The following LRBA variants were observed in gnomAD, a reference collection of about 807,000 sequenced individuals.
LRBA encodes the protein lipopolysaccharide-responsive and beige-like anchor protein.
LRBA carries 176 observed loss-of-function variants against 330.0 expected under a neutral mutation model. That is an observed-to-expected ratio of 0.53 (90% CI 0.47 to 0.60). The LOEUF (loss-of-function observed/expected upper bound fraction) is 0.60, where lower values mean the gene tolerates loss of function less well. Among genes scored for constraint, LRBA ranks in the 20% least tolerant of loss-of-function variants. LRBA has a pLI of 0.00. For missense variants in LRBA, 3,259 were observed against 3,444.8 expected, an observed-to-expected ratio of 0.95 and a Z score of 1.35; for synonymous variants, 1,230 against 1,193.0, an observed-to-expected ratio of 1.03 and a Z score of -0.64.
intron 40 of LRBA, among the ~76,000 whole-genome samples, chr4:150,513,791 C>T (rs1386821771): frequency 2.0e-5 from 3 of 152,130 alleles, no homozygotes; most frequent in Non-Finnish European, 4.4e-5. Flanking sequence ...CTCTTCATTA[C>T]CTCCTAAAGA....
intron 42 of LRBA, among the ~76,000 whole-genome samples, chr4:150,473,766 A>G (rs775996004): frequency 2.0e-5 from 3 of 152,062 alleles, no homozygotes; most frequent in Non-Finnish European, 4.4e-5. Flanking sequence ...GTATTGTGGG[A>G]TTTCTCAGCC....
At chr4:150,477,484 C>G (rs1007745773) in intron 42 of LRBA, among the ~76,000 whole-genome samples, 1 of 152,060 alleles carries the variant, frequency 6.6e-6, no homozygotes, top group Non-Finnish European at 1.5e-5. Flanking sequence ...ATTAAACCAT[C>G]AGATCTCATG....
chr4:150,534,275 A>G (rs1022099290), intron 40 of LRBA, among the ~76,000 whole-genome samples: 1 of 150,318 alleles, frequency 6.7e-6, no homozygotes, highest in South Asian at 2.1e-4. Flanking sequence ...CACATTTAAG[A>G]CTTTTTAGTT....
chr4:150,453,518 A>G (rs1029677589), intron 44 of LRBA, among the ~76,000 whole-genome samples: 1 of 152,238 alleles, frequency 6.6e-6, no homozygotes, highest in Non-Finnish European at 1.5e-5. Flanking sequence ...TAGACAAAAA[A>G]TAAGTAGCAT....
At chr4:150,496,746 A>AT (rs1759636406) in intron 40 of LRBA, among the ~76,000 whole-genome samples, 1 of 152,066 alleles carries the variant, frequency 6.6e-6, no homozygotes, top group African/African-American at 2.4e-5. Context: ...ATTTCTGAAG[A>AT]TTTTGGTGTT....
chr4:150,496,825 C>A (rs960786001), intron 40 of LRBA, among the ~76,000 whole-genome samples: 1 of 151,840 alleles, frequency 6.6e-6, no homozygotes, highest in African/African-American at 2.4e-5. Flanking sequence ...ATCTCCAAAC[C>A]CTATCAATAC....
chr4:150,475,369 A>G (rs1756593963), intron 42 of LRBA, among the ~76,000 whole-genome samples: 1 of 152,136 alleles, frequency 6.6e-6, no homozygotes, highest in Non-Finnish European at 1.5e-5. Flanking sequence ...TTTCTAGTTT[A>G]AATATTTTAT....
rs1188653707 is a variant in LRBA, at chr4:150,757,066, AT to A, written c.5645+4716del. ...GAAATCTTTTATTATAAGTATATGT[AT>A]TTTTTTCTCTTTAAAGTCATCAAGG... On this transcript the variant is annotated intron_variant, in intron 35 of 56. Transcript: ENST00000651943. 3.3e-5 allele frequency among the ~76,000 whole-genome samples: 5 copies of A among 152,046 alleles called. No homozygotes were observed. The South Asian group carries it at 8.3e-4, about 25-fold the overall frequency.
At chr4:150,385,115 A>G (rs1271277451) in intron 47 of LRBA, among the ~76,000 whole-genome samples, 1 of 152,214 alleles carries the variant, frequency 6.6e-6, no homozygotes, top group Non-Finnish European at 1.5e-5. Flanking sequence ...CAAACTGTGT[A>G]TTCGAATCAT....
At chr4:150,922,405 T>TATAC (rs1250780800) in intron 4 of LRBA, among the ~76,000 whole-genome samples, 1 of 148,932 alleles carries the variant, frequency 6.7e-6, no homozygotes, top group Non-Finnish European at 1.5e-5. Context: ...TATATATATA[T>TATAC]ATATATATAT....
chr4:150,396,663 C>T (rs760073355), intron 47 of LRBA, among the ~76,000 whole-genome samples: 2 of 151,966 alleles, frequency 1.3e-5, no homozygotes, highest in Admixed American at 6.6e-5. Flanking sequence ...TAGTAGAATA[C>T]GAATGTATTG....
At chr4:150,595,327 T>A (rs1286950629) in intron 38 of LRBA, among the ~76,000 whole-genome samples, 1 of 151,966 alleles carries the variant, frequency 6.6e-6, no homozygotes, top group Admixed American at 6.6e-5. Flanking sequence ...GAGAACCTAG[T>A]ATATGTTGAT....
At position 150,893,094 on chromosome 4, in the gene LRBA, G is replaced by C. The variant is rs1267992019; in HGVS notation, c.2123C>G (p.Pro708Arg). Residue 708 changes from proline to arginine, a missense_variant, in exon 17 of 57, where the codon CCT becomes CGT. Physicochemically the swap from Pro to Arg is moderately radical, Grantham distance 103. Coordinates refer to ENST00000651943, the MANE Select transcript of LRBA (RefSeq NM_001364905.1). ...GTCAAAAGCAGGAATCATAGAGTTA[G>C]GGTGTTCTGACATTAATGCAACAAG... ...QLLVALMSEH[P>R]NSMIPAFDQR... 2.5e-6 allele frequency: 4 copies of C among 1,612,470 alleles called. No individual in the cohort carries two copies. Among genetic ancestry groups the C allele is most frequent in the African/African-American group, 2.7e-5 (2 of 74,898 alleles).
chr4:150,423,020 C>A lies in LRBA; in HGVS notation c.7042-7430G>T, dbSNP rs569689480. 141 of 785,102 alleles carry A rather than the reference C, an allele frequency of 1.8e-4. No individual in the cohort carries two copies. In the African/African-American group the frequency reaches 2.3e-3, roughly 13 times the overall value. The allele number at this position is 785,102 out of a possible 1,614,324, so 48.6% of individuals were successfully genotyped here. On this transcript the variant is annotated intron_variant, in intron 46 of 56. Coordinates refer to ENST00000651943, the MANE Select transcript of LRBA (RefSeq NM_001364905.1). ...GTGACAGGCTGAGCCTGGCCTAGAGCTTCCAAGGCTTGTCCTCAATGGAAC... is the reference window on the plus strand; with the variant it reads ...GTGACAGGCTGAGCCTGGCCTAGAGATTCCAAGGCTTGTCCTCAATGGAAC...
chr4:150,683,810 A>G, intron 36 of LRBA, 93 bp from the exon 37 acceptor site: 2 of 898,644 alleles, frequency 2.2e-6, no homozygotes, highest in South Asian at 3.9e-5. Flanking sequence ...CAAAACAACC[A>G]AAATTTTAAA....
Position 150,520,183 on chromosome 4 carries a change from G to A in LRBA, c.6331-29148C>T, listed in dbSNP as rs771125201. 2.0e-5 allele frequency among the ~76,000 whole-genome samples: 3 copies of A among 152,026 alleles called. No individual in the cohort carries two copies. The East Asian group carries it at 5.8e-4, about 29-fold the overall frequency. On this transcript the variant is annotated intron_variant, in intron 40 of 56. Transcript: ENST00000651943. The stretch of plus-strand genomic sequence containing the variant: ...AGATATAATTTTCTAGAAGTCTCTT[G>A]TTCTTCAATGGTAAATGGGTCTTGA...
chr4:150,882,086 C>CAA (rs773130822), intron 17 of LRBA, among the ~76,000 whole-genome samples: 2 of 135,540 alleles, frequency 1.5e-5, no homozygotes, highest in African/African-American at 2.7e-5. Context: ...AACTCTGTCT[C>CAA]AAAAAAAAAA....
intron 28 of LRBA, among the ~76,000 whole-genome samples, chr4:150,838,286 G>T (rs537296232): frequency 8.5e-5 from 13 of 152,096 alleles, no homozygotes; most frequent in African/African-American, 3.1e-4. Context: ...TGCTCTTCTC[G>T]AGGAGTATGT....
At chr4:150,867,520 G>A (rs746621598) in intron 22 of LRBA, 151 bp downstream of exon 22, 7 of 581,002 alleles carry the variant, frequency 1.2e-5, no homozygotes, top group Non-Finnish European at 1.7e-5. Flanking sequence ...TATTTCTATT[G>A]ATAATCTTTT....
Sources: gnomAD v4.1 joint callset for allele counts (sites outside exome capture counted in the v4.1 genomes callset) on GRCh38, gnomAD v4.1.1 for gene constraint, MANE v1.5 for transcripts, NCBI Gene and HGNC (gene_info 2026-07-23, HGNC 2026-07-21) for gene names.